The following ALX3 variants were observed in gnomAD, a reference collection of about 807,000 sequenced individuals.
The protein encoded by ALX3 is ALX homeobox 3, also known as homeobox protein aristaless-like 3.
A neutral mutation model predicts 26.3 loss-of-function variants in ALX3; 17 were observed. That is an observed-to-expected ratio of 0.65 (90% CI 0.44 to 0.97). The LOEUF (loss-of-function observed/expected upper bound fraction) is 0.97. Ranked by LOEUF, ALX3 falls within the 50% of genes least tolerant of loss-of-function variation. The pLI is 0.00. For synonymous variants in ALX3, 208 were observed against 201.4 expected (o/e 1.03, Z -0.28); for missense variants, 461 against 466.5 (o/e 0.99, Z 0.11).
intron 1 of ALX3, among the ~76,000 whole-genome samples, chr1:110,066,572 T>TCCCCCCCCCCCCCCCCC (rs71580517): frequency 2.8e-5 from 2 of 72,602 alleles, no homozygotes; most frequent in Admixed American, 3.5e-4. Context: ...GAATGGGACA[T>TCCCCCCCCCCCCCCCCC]CCCCCCCCCC....
chr1:110,070,669 C>T lies in ALX3; in HGVS notation c.-57G>A. 1 of 1,169,528 alleles carries T rather than the reference C, an allele frequency of 8.6e-7. No homozygotes were observed. Among genetic ancestry groups the T allele is most frequent in the Non-Finnish European group, 1.1e-6 (1 of 950,430 alleles). The allele number at this position is 1,169,528 out of a possible 1,614,324, so 72.4% of individuals were successfully genotyped here. A position where few individuals can be genotyped will look rare whatever the true frequency, so the allele number is the denominator to read the frequency against. On this transcript the variant is annotated 5_prime_UTR_variant, in exon 1 of 4. Coordinates refer to ENST00000647563, the MANE Select transcript of ALX3 (RefSeq NM_006492.3). ...CCGGGGCTCGCGCTGCCCGCGCCGC[C>T]TGTGAGCGCCCGCCAAGGGGGAGGG... is the stretch of plus-strand genomic sequence containing the variant.
rs909810160 is a variant in ALX3, at chr1:110,060,476, C to T, written c.*257G>A. Reference sequence around the variant, plus strand: ...AGGAAGCAGGGCAGTGTCTCCCTGCCTCCAGCCCAGAGTTCAGGTGAGGGG... The same window carrying T: ...AGGAAGCAGGGCAGTGTCTCCCTGCTTCCAGCCCAGAGTTCAGGTGAGGGG... On this transcript the variant is annotated 3_prime_UTR_variant, in exon 4 of 4. Coordinates refer to ENST00000647563, the MANE Select transcript of ALX3 (RefSeq NM_006492.3). 2.4e-5 allele frequency: 8 copies of T among 329,994 alleles called. No individual in the cohort carries two copies. Among genetic ancestry groups the T allele is most frequent in the African/African-American group, 1.5e-4 (7 of 47,038 alleles). 20.4% of individuals were successfully genotyped at this position (329,994 alleles called of 1,614,324 possible).
chr1:110,070,487 C>T lies in ALX3; in HGVS notation c.126G>A (p.Pro42=), dbSNP rs1348362592. 3 of 1,258,708 alleles carry T rather than the reference C, an allele frequency of 2.4e-6. No homozygotes were observed. Among genetic ancestry groups the T allele is most frequent in the South Asian group, 2.9e-5 (1 of 34,294 alleles). The allele number at this position is 1,258,708 out of a possible 1,614,324, so 78.0% of individuals were successfully genotyped here. Residue 42 remains proline, a synonymous_variant, in exon 1 of 4, where the codon CCG becomes CCA. Coordinates refer to ENST00000647563, the MANE Select transcript of ALX3 (RefSeq NM_006492.3). ...AGCGGGTCAGCCGCGGGCCGCGGGG[C>T]GGCGCGGGGTGCAGGTGAGGCGCAG... ...PAAAPHLHPA[P]PRGPRLTRFP... is the part of the protein sequence containing the mutation.
chr1:110,063,866 T>C (rs992071767), intron 2 of ALX3, among the ~76,000 whole-genome samples: 1 of 151,972 alleles, frequency 6.6e-6, no homozygotes, highest in African/African-American at 2.4e-5. Flanking sequence ...TGCTTGGACG[T>C]GGGCTTCCCT....
chr1:110,061,164 G>T, intron 3 of ALX3, 123 bp from the exon 4 acceptor site: 2 of 1,205,214 alleles, frequency 1.7e-6, no homozygotes, highest in Non-Finnish European at 2.4e-6. Flanking sequence ...ACTTGGCTCA[G>T]ATCTACCCCC....
intron 2 of ALX3, among the ~76,000 whole-genome samples, chr1:110,064,050 AGCGCTG>A (rs1653720438): frequency 6.6e-6 from 1 of 151,930 alleles, no homozygotes; most frequent in African/African-American, 2.4e-5. Flanking sequence ...CCAGGGTCTG[AGCGCTG>A]GCAGGGACCC....
At chr1:110,061,634 C>T (rs1557801813) in intron 2 of ALX3, 71 bp from the exon 3 acceptor site, 1 of 1,598,310 alleles carries the variant, frequency 6.3e-7, no homozygotes, top group East Asian at 2.2e-5. Context: ...CTAGGGAGAG[C>T]TGATGGTTGT....
chr1:110,070,512 G>C lies in ALX3; in HGVS notation c.101C>G (p.Ala34Gly). The C allele has an allele frequency of 7.8e-7, 1 of 1,283,518 alleles. No homozygotes were observed. Among genetic ancestry groups the C allele is most frequent in the Non-Finnish European group, 9.8e-7 (1 of 1,016,072 alleles). The allele number at this position is 1,283,518 out of a possible 1,614,324, so 79.5% of individuals were successfully genotyped here. The change falls in exon 1 of 4, where the codon GCT (alanine) becomes GGT (glycine). Residue 34 changes from alanine to glycine, a missense_variant. This residue lies in a region of ALX3 where 241 missense variants were observed against 206.1 expected (regional missense o/e 1.17). Transcript: ENST00000647563. ...CGGCGCGGGGTGCAGGTGAGGCGCAGCGGCGGGGGTTCCCTGCGGGCCCGG... is the reference window on the plus strand; with the variant it reads ...CGGCGCGGGGTGCAGGTGAGGCGCACCGGCGGGGGTTCCCTGCGGGCCCGG... Reference protein sequence around the residue: ...EPPGPQGTPAAAPHLHPAPPR... With the variant: ...EPPGPQGTPAGAPHLHPAPPR...
chr1:110,068,939 G>A (rs59682012), intron 1 of ALX3, among the ~76,000 whole-genome samples: 4,855 of 152,290 alleles, frequency 0.032, 210 homozygotes, highest in African/African-American at 0.099. Context: ...GCGCGGCACC[G>A]GTGTGGTCCG....
chr1:110,066,915 T>C (rs1392047915), intron 1 of ALX3, among the ~76,000 whole-genome samples: 1 of 152,188 alleles, frequency 6.6e-6, no homozygotes, highest in Admixed American at 6.5e-5. Context: ...GAAAGTGCAG[T>C]AGGACTTCTC....
rs759554226 is a variant in ALX3, at chr1:110,064,888, G to C, written c.293C>G (p.Ser98Cys). ...EGPAEAEEKT[S>C]KAASFPQLPL... is the part of the protein sequence containing the mutation. ...CAGCTGGGGGAAGCTGGCAGCTTTGGAGGTCTTCTCCTCAGCTGCAATGGA... is the reference window on the plus strand; with the variant it reads ...CAGCTGGGGGAAGCTGGCAGCTTTGCAGGTCTTCTCCTCAGCTGCAATGGA... The change falls in exon 2 of 4, where the codon TCC becomes TGC. Residue 98 changes from serine to cysteine, a missense_variant. By Grantham distance (112) the Ser-to-Cys change is moderately radical (BLOSUM62 -1). Coordinates refer to ENST00000647563, the MANE Select transcript of ALX3 (RefSeq NM_006492.3). 6.2e-7 allele frequency: 1 copy of C among 1,608,724 alleles called. No individual in the cohort carries two copies.
chr1:110,062,932 C>T (rs1161466601), intron 2 of ALX3, among the ~76,000 whole-genome samples: 2 of 152,192 alleles, frequency 1.3e-5, no homozygotes, highest in East Asian at 3.8e-4. Flanking sequence ...TGTCACCACC[C>T]ATTCTCCCTT....
chr1:110,062,646 G>GTC, intron 2 of ALX3: 11,221 of 126,218 alleles, frequency 0.089, 755 homozygotes, highest in East Asian at 0.28. Flanking sequence ...TGTGTGTGTG[G>GTC]AGTAATCCGT....
chr1:110,060,722 C>T lies in ALX3; in HGVS notation c.*11G>A. ...AGGTGGGCAGCTCATTCTGCAGGTC[C>T]ATGCAACCGATCACGTGGTCCAGTT... is the stretch of plus-strand genomic sequence containing the variant. On this transcript the variant is annotated 3_prime_UTR_variant, in exon 4 of 4. Coordinates refer to ENST00000647563, the MANE Select transcript of ALX3 (RefSeq NM_006492.3). 7.1e-7 allele frequency: 1 copy of T among 1,415,860 alleles called. No homozygotes were observed. The highest frequency in any genetic ancestry group is 9.3e-7 in the Non-Finnish European group (1 of 1,078,298). 87.7% of individuals were successfully genotyped at this position (1,415,860 alleles called of 1,614,324 possible).
chr1:110,070,509 G>A lies in ALX3; in HGVS notation c.104C>T (p.Ala35Val). Residue 35 changes from alanine to valine, a missense_variant, in exon 1 of 4, where the codon GCG becomes GTG. Coordinates refer to ENST00000647563, the MANE Select transcript of ALX3 (RefSeq NM_006492.3). The part of the protein sequence containing the change: ...PPGPQGTPAA[A>V]PHLHPAPPRG... Reference sequence around the variant, plus strand: ...GGGCGGCGCGGGGTGCAGGTGAGGCGCAGCGGCGGGGGTTCCCTGCGGGCC... The same window carrying A: ...GGGCGGCGCGGGGTGCAGGTGAGGCACAGCGGCGGGGGTTCCCTGCGGGCC... 7.8e-7 allele frequency: 1 copy of A among 1,282,532 alleles called. No individual in the cohort carries two copies. Among genetic ancestry groups the A allele is most frequent in the South Asian group, 2.4e-5 (1 of 41,126 alleles). 79.4% of individuals were successfully genotyped at this position (1,282,532 alleles called of 1,614,324 possible).
intron 1 of ALX3, among the ~76,000 whole-genome samples, chr1:110,069,003 G>C (rs569481621): frequency 5.9e-5 from 9 of 151,754 alleles, no homozygotes; most frequent in Non-Finnish European, 8.8e-5. Flanking sequence ...ACGCGGGCCT[G>C]GGGGGGTGGC....
intron 2 of ALX3, among the ~76,000 whole-genome samples, chr1:110,063,337 C>T (rs1653699315): frequency 6.6e-6 from 1 of 152,148 alleles, no homozygotes; most frequent in South Asian, 2.1e-4. Context: ...TGACCTCAGC[C>T]CCTGGAGGCC....
At chr1:110,066,724 C>T (rs935305574) in intron 1 of ALX3, among the ~76,000 whole-genome samples, 2 of 152,076 alleles carry the variant, frequency 1.3e-5, no homozygotes, top group African/African-American at 2.4e-5. Context: ...TAGCTCAGGG[C>T]TGAGGGTCAG....
chr1:110,067,201 G>A (rs1653811408), intron 1 of ALX3, among the ~76,000 whole-genome samples: 1 of 152,220 alleles, frequency 6.6e-6, no homozygotes, highest in Admixed American at 6.5e-5. Context: ...GCAGAAGCCA[G>A]GAAAGACAGG....
Sources: allele counts gnomAD v4.1 joint callset (sites outside exome capture counted in the v4.1 genomes callset), GRCh38; gene constraint gnomAD v4.1.1; regional missense constraint gnomAD v4.1.1; transcripts MANE v1.5; gene names NCBI Gene and HGNC (gene_info 2026-07-23, HGNC 2026-07-21).